STK39: variants seen among roughly 807,000 people sequenced by gnomAD.
STK39 encodes serine/threonine kinase 39.
STK39 carries 20 observed loss-of-function variants against 77.8 expected under a neutral mutation model. That is an observed-to-expected ratio of 0.26 (90% CI 0.18 to 0.37). STK39 has a LOEUF of 0.37. Among genes scored for constraint, STK39 ranks in the 10% least tolerant of loss-of-function variants. The probability of loss-of-function intolerance (pLI) is 1.00; values close to 1 mark genes in which losing one functional copy is unlikely to be tolerated. For synonymous variants in STK39, 246 were observed against 234.1 expected (o/e 1.05, Z -0.47); for missense variants, 479 against 656.5 (o/e 0.73, Z 2.95).
chr2:168,144,105 T>C (rs1472341370), intron 5 of STK39, among the ~76,000 whole-genome samples: 1 of 152,174 alleles, frequency 6.6e-6, no homozygotes, highest in African/African-American at 2.4e-5. Context: ...CTACTAAGCC[T>C]TGAGGAGGAT....
At chr2:168,087,146 A>G (rs1686389180) in intron 10 of STK39, among the ~76,000 whole-genome samples, 1 of 152,232 alleles carries the variant, frequency 6.6e-6, no homozygotes, top group African/African-American at 2.4e-5. Context: ...CGCAGAAACC[A>G]AATGTTTGGC....
intron 10 of STK39, among the ~76,000 whole-genome samples, chr2:168,108,354 C>T (rs1687033134): frequency 6.6e-6 from 1 of 152,030 alleles, no homozygotes; most frequent in South Asian, 2.1e-4. Flanking sequence ...TCAAGATCAG[C>T]CTGGGCAACA....
At chr2:168,051,741 C>A (rs1010465770) in intron 14 of STK39, among the ~76,000 whole-genome samples, 4 of 152,188 alleles carry the variant, frequency 2.6e-5, no homozygotes, top group Non-Finnish European at 2.9e-5. Flanking sequence ...GCACAAGCCA[C>A]AGCGCCCAGC....
intron 17 of STK39, among the ~76,000 whole-genome samples, chr2:167,957,874 T>G (rs970000108): frequency 1.2e-4 from 19 of 152,194 alleles, no homozygotes; most frequent in African/African-American, 3.9e-4. Context: ...GGTGAGAACA[T>G]CACAGAAGGA....
chr2:168,207,705 G>C (rs1312454715), intron 1 of STK39, among the ~76,000 whole-genome samples: 1 of 152,170 alleles, frequency 6.6e-6, no homozygotes, highest in African/African-American at 2.4e-5. Context: ...TGATGCTAAT[G>C]GTTAACTAAA....
intron 1 of STK39, among the ~76,000 whole-genome samples, chr2:168,186,399 TC>T (rs1049421936): frequency 3.9e-4 from 60 of 152,344 alleles, no homozygotes; most frequent in African/African-American, 1.3e-3. Flanking sequence ...TCAAAGTCAT[TC>T]TTCCACTAAC....
intron 8 of STK39, among the ~76,000 whole-genome samples, chr2:168,132,258 G>A (rs990594727): frequency 2.6e-5 from 4 of 151,858 alleles, no homozygotes; most frequent in Non-Finnish European, 5.9e-5. Flanking sequence ...AAAACTCAAG[G>A]CCCTGGTTCT....
intron 14 of STK39, among the ~76,000 whole-genome samples, chr2:168,029,390 G>C (rs1684777308): frequency 6.6e-6 from 1 of 152,178 alleles, no homozygotes; most frequent in South Asian, 2.1e-4. Context: ...CTTTATAAGG[G>C]ACACTGAGTA....
chr2:168,147,390 G>A lies in STK39; in HGVS notation c.629-6632C>T, dbSNP rs1353194637. Among the ~76,000 whole-genome samples the A allele has an allele frequency of 4.6e-5, 7 of 152,190 alleles. 1 individual carries two copies. The highest frequency in any genetic ancestry group is 1.7e-4 in the African/African-American group (7 of 41,448). On this transcript the variant is annotated intron_variant, in intron 5 of 17. Transcript: ENST00000355999. ...TTAAAATGTTATACCACCAACGTTG[G>A]ATGATTAAAGAAGTACATTGTGACT... is the stretch of plus-strand genomic sequence containing the variant.
At chr2:167,983,047 T>C (rs913669879) in intron 16 of STK39, among the ~76,000 whole-genome samples, 1 of 152,186 alleles carries the variant, frequency 6.6e-6, no homozygotes, top group Admixed American at 6.5e-5. Flanking sequence ...ACATAGATAA[T>C]TATGGAATGG....
intron 16 of STK39, among the ~76,000 whole-genome samples, chr2:167,993,453 G>T (rs756732351): frequency 3.3e-5 from 5 of 152,170 alleles, no homozygotes; most frequent in Non-Finnish European, 7.4e-5. Context: ...TTGGGAGGTC[G>T]AAGCGGGAGG....
chr2:168,214,402 T>A (rs551878960), intron 1 of STK39, among the ~76,000 whole-genome samples: 22 of 152,314 alleles, frequency 1.4e-4, no homozygotes, highest in African/African-American at 5.1e-4. Flanking sequence ...GTATCCAGAA[T>A]AGGTAAATCA....
chr2:168,069,102 G>T (rs535901560), intron 12 of STK39, among the ~76,000 whole-genome samples: 10 of 152,064 alleles, frequency 6.6e-5, no homozygotes, highest in Admixed American at 5.9e-4. Context: ...ATTTTTAGTA[G>T]AGACAGGGTT....
intron 14 of STK39, among the ~76,000 whole-genome samples, chr2:168,039,925 A>T (rs1259445101): frequency 6.6e-6 from 1 of 152,188 alleles, no homozygotes. Context: ...ATATTATACA[A>T]CCAAATAAGA....
chr2:168,201,208 T>C (rs1408295782), intron 1 of STK39, among the ~76,000 whole-genome samples: 1 of 152,260 alleles, frequency 6.6e-6, no homozygotes, highest in Non-Finnish European at 1.5e-5. Flanking sequence ...TTATTAAGTA[T>C]ATGATGGGAC....
At chr2:168,186,859 G>A (rs931444618) in intron 1 of STK39, among the ~76,000 whole-genome samples, 1 of 152,136 alleles carries the variant, frequency 6.6e-6, no homozygotes. Flanking sequence ...TTAGCACCAG[G>A]AAGATTAGAC....
intron 15 of STK39, among the ~76,000 whole-genome samples, chr2:168,015,244 G>C (rs1377126317): frequency 6.6e-6 from 1 of 152,212 alleles, no homozygotes; most frequent in Non-Finnish European, 1.5e-5. Flanking sequence ...CAAAGGGCTT[G>C]TCCTCAAGTG....
In STK39 at chr2:168,040,243, T is replaced by C. The variant is rs115863507; in HGVS notation, c.1377-23148A>G. Among the ~76,000 whole-genome samples the C allele has an allele frequency of 7.6e-3, 1,151 of 152,016 alleles. 16 individuals are homozygous for C. Among genetic ancestry groups the C allele is most frequent in the African/African-American group, 0.026 (1,095 of 41,442 alleles). Reference sequence around the variant, plus strand: ...GGATAAATGTACAGGTGGACAGATATAGAAAAAATAAAGGAAGAAAAAACT... The same window carrying C: ...GGATAAATGTACAGGTGGACAGATACAGAAAAAATAAAGGAAGAAAAAACT... On this transcript the variant is annotated intron_variant, in intron 14 of 17. Transcript: ENST00000355999.
chr2:168,012,699 G>A lies in STK39; in HGVS notation c.1433C>T (p.Thr478Ile). The change falls in exon 16 of 18, where the codon ACA (threonine) becomes ATA (isoleucine). Residue 478 changes from threonine to isoleucine, a missense_variant. Around this residue, in one of 3 missense-constraint regions of STK39, gnomAD observed 244 missense variants for 296.8 expected, o/e 0.82. Coordinates refer to ENST00000355999, the MANE Select transcript of STK39 (RefSeq NM_013233.3). ...IRFEFTPGRDTADGVSQELFS... is the reference protein window; with the variant it reads ...IRFEFTPGRDIADGVSQELFS... ...GAGCTCCTGAGATACACCATCTGCT[G>A]TATCTGTCCAAATGTGAAATGAATA... is the stretch of plus-strand genomic sequence containing the variant. 6.2e-7 allele frequency: 1 copy of A among 1,613,128 alleles called. No homozygotes were observed. The highest frequency in any genetic ancestry group is 1.1e-5 in the South Asian group (1 of 91,000).
Sources: allele counts gnomAD v4.1 joint callset (sites outside exome capture counted in the v4.1 genomes callset), GRCh38; gene constraint gnomAD v4.1.1; regional missense constraint gnomAD v4.1.1; transcripts MANE v1.5; gene names NCBI Gene and HGNC (gene_info 2026-07-23, HGNC 2026-07-21).